The following GPC5 variants were observed in gnomAD, a reference collection of about 807,000 sequenced individuals.
GPC5 encodes glypican 5, also known as glypican-5.
Under a neutral mutation model 53.9 loss-of-function variants are expected in GPC5, and 47 were observed. The ratio of observed to expected loss-of-function variants is 0.87; its 90% CI spans 0.69 to 1.11. The LOEUF (loss-of-function observed/expected upper bound fraction) is 1.11, where lower values mean the gene tolerates loss of function less well. GPC5 is among the 50% of genes most tolerant of loss of function. The pLI is 0.00. For synonymous variants in GPC5, 286 were observed against 263.3 expected, an observed-to-expected ratio of 1.09 and a Z score of -0.84; for missense variants, 748 against 713.1, an observed-to-expected ratio of 1.05 and a Z score of -0.56.
In GPC5 at chr13:91,724,433, G is replaced by A. The variant is rs113681829; in HGVS notation, c.1021-4099G>A. 1.4e-3 allele frequency among the ~76,000 whole-genome samples: 211 copies of A among 151,798 alleles called. 1 individual carries two copies. Among genetic ancestry groups the A allele is most frequent in the African/African-American group, 4.7e-3 (193 of 41,366 alleles). ...AACCCAGTGTGCTTAATAATCACTC[G>A]AACTACCTCCTTTTTTTTTTCAATT... is the stretch of plus-strand genomic sequence containing the variant. On this transcript the variant is annotated intron_variant, in intron 3 of 7. Coordinates refer to ENST00000377067, the MANE Select transcript of GPC5 (RefSeq NM_004466.6).
chr13:92,759,047 A>G (rs2138734332), intron 7 of GPC5, among the ~76,000 whole-genome samples: 1 of 108,982 alleles, frequency 9.2e-6, no homozygotes, highest in Non-Finnish European at 1.7e-5. Context: ...ATATTAGTTG[A>G]CCATGTATGT....
At chr13:92,707,540 G>C (rs1448328776) in intron 7 of GPC5, among the ~76,000 whole-genome samples, 4 of 151,852 alleles carry the variant, frequency 2.6e-5, no homozygotes, top group Non-Finnish European at 4.4e-5. Flanking sequence ...TATCAGTGTA[G>C]GAAAAAGCAT....
intron 7 of GPC5, among the ~76,000 whole-genome samples, chr13:92,390,371 C>T (rs1240039475): frequency 6.6e-6 from 1 of 152,030 alleles, no homozygotes; most frequent in African/African-American, 2.4e-5. Flanking sequence ...GTTTAGTCTG[C>T]AGGGTATTGA....
At chr13:92,394,505 A>G (rs1222523008) in intron 7 of GPC5, among the ~76,000 whole-genome samples, 3 of 152,172 alleles carry the variant, frequency 2.0e-5, no homozygotes, top group African/African-American at 4.8e-5. Context: ...ACATTCTGCA[A>G]TATGAAAGAG....
chr13:92,148,119 T>C (rs897872193), intron 7 of GPC5, among the ~76,000 whole-genome samples: 5 of 152,094 alleles, frequency 3.3e-5, no homozygotes, highest in African/African-American at 1.2e-4. Flanking sequence ...CCATAAAAAG[T>C]CTGACTAAAT....
chr13:92,540,578 T>C (rs1305002029), intron 7 of GPC5, among the ~76,000 whole-genome samples: 2 of 151,970 alleles, frequency 1.3e-5, no homozygotes, highest in Non-Finnish European at 2.9e-5. Flanking sequence ...ATTTATTAAT[T>C]GATTTGACCA....
intron 6 of GPC5, among the ~76,000 whole-genome samples, chr13:92,070,702 G>C (rs1000054241): frequency 2.0e-5 from 3 of 151,926 alleles, no homozygotes; most frequent in African/African-American, 7.3e-5. Flanking sequence ...AATGCATCTC[G>C]GACCACTTAT....
At chr13:91,944,249 C>T (rs555835873) in intron 6 of GPC5, among the ~76,000 whole-genome samples, 64 of 152,176 alleles carry the variant, frequency 4.2e-4, no homozygotes, top group Non-Finnish European at 2.8e-4. Flanking sequence ...GCACCTGCCA[C>T]CACGCCCAGC....
chr13:92,639,403 A>T (rs2139146393), intron 7 of GPC5, among the ~76,000 whole-genome samples: 1 of 152,330 alleles, frequency 6.6e-6, no homozygotes, highest in Middle Eastern at 3.4e-3. Context: ...TAAAATGAAA[A>T]AATAAAATGA....
At chr13:91,399,663 C>A (rs978505593) in intron 1 of GPC5, among the ~76,000 whole-genome samples, 5 of 152,118 alleles carry the variant, frequency 3.3e-5, no homozygotes, top group African/African-American at 1.2e-4. Flanking sequence ...TGCGATATAC[C>A]CCTTTGCTGG....
intron 2 of GPC5, among the ~76,000 whole-genome samples, chr13:91,479,801 C>G (rs1883204617): frequency 1.3e-5 from 2 of 151,848 alleles, no homozygotes; most frequent in African/African-American, 4.8e-5. Context: ...ATTTTCTACT[C>G]TATTAGAATG....
At chr13:92,098,856 AC>A (rs2041442629) in intron 6 of GPC5, among the ~76,000 whole-genome samples, 1 of 152,160 alleles carries the variant, frequency 6.6e-6, no homozygotes, top group South Asian at 2.1e-4. Context: ...CAGATATTGG[AC>A]ACCTAACCTT....
intron 1 of GPC5, among the ~76,000 whole-genome samples, chr13:91,431,093 G>T (rs987419481): frequency 5.3e-5 from 8 of 151,966 alleles, no homozygotes; most frequent in Non-Finnish European, 1.0e-4. Flanking sequence ...TGCCCAGGTT[G>T]GTCTCAAACT....
At chr13:91,906,351 G>A (rs1280237351) in intron 5 of GPC5, among the ~76,000 whole-genome samples, 3 of 151,892 alleles carry the variant, frequency 2.0e-5, no homozygotes, top group Non-Finnish European at 4.4e-5. Flanking sequence ...CCTAGTCTAA[G>A]TCCACGTGGA....
intron 7 of GPC5, among the ~76,000 whole-genome samples, chr13:92,199,913 A>T (rs1344035092): frequency 6.6e-6 from 1 of 152,182 alleles, no homozygotes; most frequent in Admixed American, 6.5e-5. Flanking sequence ...TACAGGTAAA[A>T]GCTTGCAATA....
At chr13:91,582,031 C>T (rs982201531) in intron 2 of GPC5, among the ~76,000 whole-genome samples, 1 of 152,084 alleles carries the variant, frequency 6.6e-6, no homozygotes, top group Non-Finnish European at 1.5e-5. Flanking sequence ...CTTGTGTTTT[C>T]AGATTCTGGA....
chr13:92,374,529 AAT>A (rs2043676904), intron 7 of GPC5, among the ~76,000 whole-genome samples: 1 of 152,122 alleles, frequency 6.6e-6, no homozygotes, highest in Admixed American at 6.6e-5. Context: ...AGCCATAAAA[AAT>A]GATGAGTTCA....
At chr13:91,813,414 GC>G (rs769339423) in intron 5 of GPC5, among the ~76,000 whole-genome samples, 1 of 152,202 alleles carries the variant, frequency 6.6e-6, no homozygotes, top group South Asian at 2.1e-4. Context: ...TACAGAGGCA[GC>G]CATGCATTGG....
intron 2 of GPC5, among the ~76,000 whole-genome samples, chr13:91,616,655 G>T (rs138438506): frequency 2.0e-5 from 3 of 151,464 alleles, no homozygotes; most frequent in Non-Finnish European, 2.9e-5. Context: ...CAACAATTTT[G>T]TCAATCCCTA....
Sources: gnomAD v4.1 joint callset for allele counts (sites outside exome capture counted in the v4.1 genomes callset) on GRCh38, gnomAD v4.1.1 for gene constraint, MANE v1.5 for transcripts, NCBI Gene and HGNC (gene_info 2026-07-23, HGNC 2026-07-21) for gene names.